Variants in NELL1 observed in about 807,000 individuals in gnomAD.
NELL1 encodes the protein protein kinase C-binding protein NELL1.
A neutral mutation model predicts 107.4 loss-of-function variants in NELL1; 76 were observed. The observed-to-expected ratio is 0.71, with a 90% CI of 0.59 to 0.86. The LOEUF (loss-of-function observed/expected upper bound fraction) is 0.86. Ranked by LOEUF, NELL1 falls within the 40% of genes least tolerant of loss-of-function variation. NELL1 has a pLI of 0.00. For synonymous variants in NELL1, 353 were observed against 341.2 expected (o/e 1.03, Z -0.38); for missense variants, 1,024 against 1,005.5 (o/e 1.02, Z -0.25).
intron 14 of NELL1, among the ~76,000 whole-genome samples, chr11:21,265,795 T>G (rs1848622852): frequency 6.6e-6 from 1 of 152,074 alleles, no homozygotes; most frequent in South Asian, 2.1e-4. Context: ...AGGTAGTATC[T>G]TTCTGAGCCT....
chr11:21,545,229 C>T (rs554093335), intron 16 of NELL1, among the ~76,000 whole-genome samples: 17 of 147,436 alleles, frequency 1.2e-4, no homozygotes, highest in African/African-American at 3.2e-4. Flanking sequence ...ATGACATTTA[C>T]GAGGTTGCTC....
At chr11:21,301,161 T>C (rs1472978729) in intron 14 of NELL1, among the ~76,000 whole-genome samples, 1 of 152,202 alleles carries the variant, frequency 6.6e-6, no homozygotes, top group Non-Finnish European at 1.5e-5. Flanking sequence ...ACATTTGAGT[T>C]GGTTCCAAGT....
At chr11:21,395,853 A>G (rs79776294) in intron 15 of NELL1, among the ~76,000 whole-genome samples, 1 of 151,562 alleles carries the variant, frequency 6.6e-6, no homozygotes, top group African/African-American at 2.4e-5. Context: ...AGCAACATCA[A>G]TCCAAAAAAA....
intron 2 of NELL1, among the ~76,000 whole-genome samples, chr11:20,734,585 A>C (rs1389031901): frequency 6.6e-6 from 1 of 152,154 alleles, no homozygotes; most frequent in Non-Finnish European, 1.5e-5. Context: ...CTGAGGAATC[A>C]AGACTGCATT....
At chr11:20,765,382 C>T (rs771037863) in intron 2 of NELL1, among the ~76,000 whole-genome samples, 13 of 152,182 alleles carry the variant, frequency 8.5e-5, no homozygotes, top group Non-Finnish European at 1.9e-4. Flanking sequence ...AGTACCTGCT[C>T]TTTGTGCTAT....
intron 12 of NELL1, among the ~76,000 whole-genome samples, chr11:20,973,225 C>G (rs1262393438): frequency 6.6e-6 from 1 of 151,238 alleles, no homozygotes; most frequent in Non-Finnish European, 1.5e-5. Flanking sequence ...TCTCCGGCCT[C>G]AGCCTCCTGA....
At chr11:21,336,304 A>G (rs968255441) in intron 14 of NELL1, among the ~76,000 whole-genome samples, 8 of 152,052 alleles carry the variant, frequency 5.3e-5, no homozygotes, top group Non-Finnish European at 1.2e-4. Context: ...TATATACAGT[A>G]TCTTATTGAA....
At chr11:21,486,385 G>C (rs1371190771) in intron 15 of NELL1, among the ~76,000 whole-genome samples, 1 of 152,152 alleles carries the variant, frequency 6.6e-6, no homozygotes, top group African/African-American at 2.4e-5. Flanking sequence ...TTATAGGCCA[G>C]GAAATCATAC....
At chr11:21,268,424 C>T (rs1848676899) in intron 14 of NELL1, among the ~76,000 whole-genome samples, 1 of 152,090 alleles carries the variant, frequency 6.6e-6, no homozygotes, top group African/African-American at 2.4e-5. Context: ...TTTTATTTAG[C>T]ACAGCCTGAA....
intron 15 of NELL1, among the ~76,000 whole-genome samples, chr11:21,496,986 A>G (rs1296716501): frequency 6.6e-6 from 1 of 151,930 alleles, no homozygotes; most frequent in Non-Finnish European, 1.5e-5. Flanking sequence ...ATAGTATTCC[A>G]TGGTGTATAT....
chr11:21,089,497 C>A (rs189330640), intron 12 of NELL1, among the ~76,000 whole-genome samples: 2 of 152,062 alleles, frequency 1.3e-5, no homozygotes, highest in African/African-American at 4.8e-5. Context: ...ATGAAACAAA[C>A]CCCCCTCAGT....
chr11:21,086,828 CTTTTTTTTT>C (rs35537964), intron 12 of NELL1, among the ~76,000 whole-genome samples: 3 of 112,952 alleles, frequency 2.7e-5, no homozygotes, highest in Non-Finnish European at 3.5e-5. Context: ...CTTAATGGAT[CTTTTTTTTT>C]TTTTTTTTTT....
chr11:20,975,940 T>C (rs1259751593), intron 12 of NELL1, among the ~76,000 whole-genome samples: 1 of 132,390 alleles, frequency 7.6e-6, no homozygotes, highest in Admixed American at 7.6e-5. Flanking sequence ...TACATATATG[T>C]GTACATATAT....
chr11:21,356,975 C>T (rs1850948164), intron 14 of NELL1, among the ~76,000 whole-genome samples: 1 of 152,170 alleles, frequency 6.6e-6, no homozygotes, highest in South Asian at 2.1e-4. Flanking sequence ...GCTGCAAATG[C>T]CATTTCTTCA....
chr11:21,001,450 C>T (rs1345186462), intron 12 of NELL1, among the ~76,000 whole-genome samples: 3 of 150,220 alleles, frequency 2.0e-5, no homozygotes, highest in East Asian at 2.0e-4. Context: ...CACTTGCCAA[C>T]CTGAAGAGTG....
At chr11:20,977,034 T>A (rs1157252856) in intron 12 of NELL1, among the ~76,000 whole-genome samples, 1 of 152,050 alleles carries the variant, frequency 6.6e-6, no homozygotes, top group Non-Finnish European at 1.5e-5. Flanking sequence ...GGTATGATGT[T>A]TCTGAATATG....
At chr11:20,720,926 C>G (rs1376868632) in intron 2 of NELL1, among the ~76,000 whole-genome samples, 1 of 152,090 alleles carries the variant, frequency 6.6e-6, no homozygotes, top group Non-Finnish European at 1.5e-5. Context: ...TGGGGGGACA[C>G]AGTTCAGTGC....
intron 11 of NELL1, among the ~76,000 whole-genome samples, chr11:20,952,243 C>G (rs187380501): frequency 3.3e-5 from 5 of 152,206 alleles, no homozygotes; most frequent in African/African-American, 1.2e-4. Context: ...ATGTTTATGA[C>G]TTCTAGTGTT....
intron 3 of NELL1, among the ~76,000 whole-genome samples, chr11:20,808,174 A>G (rs139549778): frequency 0.017 from 2,571 of 152,326 alleles, 29 homozygotes; most frequent in Admixed American, 0.025. Context: ...AGCATGTCTC[A>G]GAGTCTCATC....
Sources: gnomAD v4.1 joint callset for allele counts (sites outside exome capture counted in the v4.1 genomes callset) on GRCh38, gnomAD v4.1.1 for gene constraint, MANE v1.5 for transcripts, NCBI Gene and HGNC (gene_info 2026-07-23, HGNC 2026-07-21) for gene names.